Variants in DYNLL2 observed in about 807,000 individuals in gnomAD.
The protein encoded by DYNLL2 is dynein light chain LC8-type 2, also known as dynein light chain 2, cytoplasmic.
A neutral mutation model predicts 9.7 loss-of-function variants in DYNLL2; 1 was observed. The ratio of observed to expected loss-of-function variants is 0.10; its 90% CI spans 0.04 to 0.49. The LOEUF (loss-of-function observed/expected upper bound fraction) is 0.49, where lower values mean the gene tolerates loss of function less well. Ranked by LOEUF, DYNLL2 falls within the 20% of genes least tolerant of loss-of-function variation. The pLI, the probability that DYNLL2 is intolerant of heterozygous loss-of-function variation, is 0.95. For synonymous variants in DYNLL2, 35 were observed against 40.5 expected (o/e 0.86, Z 0.52); for missense variants, 37 against 115.2 (o/e 0.32, Z 3.11).
rs575109871 is a variant in DYNLL2, at chr17:58,091,747, A to G, written c.*2468A>G. On this transcript the variant is annotated 3_prime_UTR_variant, in exon 3 of 3. Transcript: ENST00000579991. ...CTCTGTTGCCCAGACACACAACTCG[A>G]GAAATCAGCAGTGCCAAGACTTCTG... 1 of 152,298 alleles carries G rather than the reference A, an allele frequency of 6.6e-6. No individual in the cohort carries two copies. The highest frequency in any genetic ancestry group is 2.4e-5 in the African/African-American group (1 of 41,566). The allele number at this position is 152,298 out of a possible 1,614,324, so 9.4% of individuals were successfully genotyped here.
chr17:58,084,252 C>G (rs1166084332), intron 1 of DYNLL2, among the ~76,000 whole-genome samples: 1 of 152,060 alleles, frequency 6.6e-6, no homozygotes. Flanking sequence ...GGGACCGCAG[C>G]GCTCTGGAGG....
Position 58,089,343 on chromosome 17 carries a change from T to C in DYNLL2, c.*64T>C. ...GGCAAGCAGGCGGCGTTGCTGGGACTGTTTTGCACTGGAGCCAGCATCAGG... is the reference window on the plus strand; with the variant it reads ...GGCAAGCAGGCGGCGTTGCTGGGACCGTTTTGCACTGGAGCCAGCATCAGG... On this transcript the variant is annotated 3_prime_UTR_variant, in exon 3 of 3. Transcript: ENST00000579991. The C allele has an allele frequency of 6.3e-7, 1 of 1,582,800 alleles. No homozygotes were observed. Among genetic ancestry groups the C allele is most frequent in the Non-Finnish European group, 8.6e-7 (1 of 1,160,982 alleles).
intron 1 of DYNLL2, among the ~76,000 whole-genome samples, chr17:58,086,012 TG>T (rs1180605353): frequency 6.6e-6 from 1 of 152,160 alleles, no homozygotes; most frequent in Non-Finnish European, 1.5e-5. Flanking sequence ...AAAATTATAT[TG>T]GGCTTTAAAG....
chr17:58,089,837 G>A lies in DYNLL2; in HGVS notation c.*558G>A, dbSNP rs948051742. The A allele has an allele frequency of 4.5e-5, 18 of 398,682 alleles. No homozygotes were observed. Among genetic ancestry groups the A allele is most frequent in the Non-Finnish European group, 7.1e-5 (16 of 226,266 alleles). The allele number at this position is 398,682 out of a possible 1,614,324, so 24.7% of individuals were successfully genotyped here. A position where few individuals can be genotyped will look rare whatever the true frequency, so the allele number is the denominator to read the frequency against. ...GAACTGTGATTCTATGGCTTGGGGC[G>A]GAGGGTGGGGTGGGGATGCCTTCTT... is the stretch of plus-strand genomic sequence containing the variant. On this transcript the variant is annotated 3_prime_UTR_variant, in exon 3 of 3. Coordinates refer to ENST00000579991, the MANE Select transcript of DYNLL2 (RefSeq NM_080677.3).
At chr17:58,086,097 C>T (rs1388305185) in intron 1 of DYNLL2, among the ~76,000 whole-genome samples, 2 of 152,082 alleles carry the variant, frequency 1.3e-5, no homozygotes, top group Non-Finnish European at 1.5e-5. Flanking sequence ...CCTGTGTGAC[C>T]GACCAGCCAA....
At chr17:58,084,269 T>A (rs571952505) in intron 1 of DYNLL2, among the ~76,000 whole-genome samples, 9 of 151,928 alleles carry the variant, frequency 5.9e-5, no homozygotes, top group African/African-American at 1.7e-4. Context: ...GAGGATGGGA[T>A]AGTGGAGGGA....
intron 1 of DYNLL2, among the ~76,000 whole-genome samples, chr17:58,086,757 A>G (rs2075761363): frequency 6.6e-6 from 1 of 152,260 alleles, no homozygotes; most frequent in Admixed American, 6.5e-5. Context: ...GCCCAACGAC[A>G]CAGCTAGTAG....
At chr17:58,088,714 A>G (rs1314712830) in intron 2 of DYNLL2, among the ~76,000 whole-genome samples, 1 of 152,140 alleles carries the variant, frequency 6.6e-6, no homozygotes, top group East Asian at 1.9e-4. Context: ...GCATTTGGAA[A>G]TGCTGGTTAA....
In DYNLL2 at chr17:58,094,227, ATC is replaced by A. The variant is rs1286795690; in HGVS notation, c.*4953_*4954del. On this transcript the variant is annotated 3_prime_UTR_variant, in exon 3 of 3. Coordinates refer to ENST00000579991, the MANE Select transcript of DYNLL2 (RefSeq NM_080677.3). Reference sequence around the variant, plus strand: ...TGGATGAACGTGGACAAGCTGCTTGATCTCTCAGATCCTCGATTTCTTCATCT... The same window carrying A: ...TGGATGAACGTGGACAAGCTGCTTGATCTCAGATCCTCGATTTCTTCATCT... 1 of 152,132 alleles carries A rather than the reference ATC, an allele frequency of 6.6e-6. No homozygotes were observed. The highest frequency in any genetic ancestry group is 1.5e-5 in the Non-Finnish European group (1 of 68,018). 9.4% of individuals were successfully genotyped at this position (152,132 alleles called of 1,614,324 possible).
At chr17:58,088,087 AG>A (rs1369203815) in intron 2 of DYNLL2, among the ~76,000 whole-genome samples, 1 of 40,132 alleles carries the variant, frequency 2.5e-5, no homozygotes, top group African/African-American at 1.1e-4. Context: ...TGGAGTCCTG[AG>A]GGACTTTTTT....
intron 1 of DYNLL2, among the ~76,000 whole-genome samples, chr17:58,085,476 C>T (rs2075756632): frequency 6.6e-6 from 1 of 152,184 alleles, no homozygotes; most frequent in African/African-American, 2.4e-5. Flanking sequence ...GACAGCATCT[C>T]TTGTCCATTG....
chr17:58,085,729 A>G (rs1567765856), intron 1 of DYNLL2, among the ~76,000 whole-genome samples: 1 of 152,226 alleles, frequency 6.6e-6, no homozygotes, highest in Non-Finnish European at 1.5e-5. Flanking sequence ...TAGCAGGGAT[A>G]TGAAACAAGG....
In DYNLL2 at chr17:58,095,527, C is replaced by G. The variant is rs2075794928; in HGVS notation, c.*6248C>G. ...CAGTTAATAATGAGCATTAAAGTGG[C>G]TATATACTATTCCAATGTGTTGCAG... On this transcript the variant is annotated 3_prime_UTR_variant, in exon 3 of 3. Transcript: ENST00000579991. 6.6e-6 allele frequency: 1 copy of G among 152,208 alleles called. No individual in the cohort carries two copies. The highest frequency in any genetic ancestry group is 2.4e-5 in the African/African-American group (1 of 41,460). 9.4% of individuals were successfully genotyped at this position (152,208 alleles called of 1,614,324 possible).
At chr17:58,084,321 G>T (rs557559600) in intron 1 of DYNLL2, among the ~76,000 whole-genome samples, 1 of 152,328 alleles carries the variant, frequency 6.6e-6, no homozygotes, top group East Asian at 1.9e-4. Flanking sequence ...GTAGAAGTGT[G>T]TGTGTATTGG....
chr17:58,084,283 G>A (rs1446041760), intron 1 of DYNLL2, among the ~76,000 whole-genome samples: 5 of 152,206 alleles, frequency 3.3e-5, no homozygotes, highest in African/African-American at 1.2e-4. Context: ...GGAGGGATAC[G>A]GCCCACTTGG....
chr17:58,089,208 A>G lies in DYNLL2; in HGVS notation c.199A>G (p.Thr67Ala), dbSNP rs754436188. 1 of 1,614,148 alleles carries G rather than the reference A, an allele frequency of 6.2e-7. No individual in the cohort carries two copies. Among genetic ancestry groups the G allele is most frequent in the Non-Finnish European group, 8.5e-7 (1 of 1,180,008 alleles). The change falls in exon 3 of 3, where the codon ACA becomes GCA. Residue 67 changes from threonine to alanine, a missense_variant. Thr to Ala is a moderately conservative substitution (Grantham distance 58). Coordinates refer to ENST00000579991, the MANE Select transcript of DYNLL2 (RefSeq NM_080677.3). ...IVGRNFGSYV[T>A]HETKHFIYFY... Reference sequence around the variant, plus strand: ...GGGCCGAAATTTTGGCAGCTACGTCACACACGAGACAAAGCACTTCATCTA... The same window carrying G: ...GGGCCGAAATTTTGGCAGCTACGTCGCACACGAGACAAAGCACTTCATCTA...
chr17:58,086,344 C>T (rs902896768), intron 1 of DYNLL2, among the ~76,000 whole-genome samples: 2 of 152,200 alleles, frequency 1.3e-5, no homozygotes, highest in African/African-American at 4.8e-5. Context: ...GTAGCATGTT[C>T]CTGCAACACT....
At chr17:58,086,466 C>T (rs981971172) in intron 1 of DYNLL2, among the ~76,000 whole-genome samples, 3 of 152,170 alleles carry the variant, frequency 2.0e-5, no homozygotes, top group African/African-American at 4.8e-5. Context: ...TACAACAACT[C>T]GCGATAGAGA....
rs762164785 is a variant in DYNLL2, at chr17:58,089,315, G to A, written c.*36G>A. On this transcript the variant is annotated 3_prime_UTR_variant, in exon 3 of 3. Coordinates refer to ENST00000579991, the MANE Select transcript of DYNLL2 (RefSeq NM_080677.3). ...TGAAGGTGTCAGTGGCGGCGGCAGC[G>A]ATGGCAAGCAGGCGGCGTTGCTGGG... is the stretch of plus-strand genomic sequence containing the variant. 11 of 1,606,502 alleles carry A rather than the reference G, an allele frequency of 6.8e-6. No individual in the cohort carries two copies. The highest frequency in any genetic ancestry group is 9.4e-6 in the Non-Finnish European group (11 of 1,175,858).
Sources: allele counts gnomAD v4.1 joint callset (sites outside exome capture counted in the v4.1 genomes callset), GRCh38; gene constraint gnomAD v4.1.1; transcripts MANE v1.5; gene names NCBI Gene and HGNC (gene_info 2026-07-23, HGNC 2026-07-21).